Variants in CAAP1 observed in about 807,000 individuals in gnomAD.
CAAP1 encodes conserved anti-apoptotic protein.
CAAP1 carries 20 observed loss-of-function variants against 34.0 expected under a neutral mutation model. The observed-to-expected ratio is 0.59, with a 90% CI of 0.41 to 0.86. CAAP1 has a LOEUF of 0.86. Among genes scored for constraint, CAAP1 ranks in the 40% least tolerant of loss-of-function variants. The pLI is 0.00. For synonymous variants in CAAP1, 213 were observed against 166.7 expected, an observed-to-expected ratio of 1.28 and a Z score of -2.14; for missense variants, 538 against 450.5, an observed-to-expected ratio of 1.19 and a Z score of -1.76.
At chr9:26,886,945 G>A (rs951867314) in intron 2 of CAAP1, among the ~76,000 whole-genome samples, 3 of 152,150 alleles carry the variant, frequency 2.0e-5, no homozygotes, top group African/African-American at 7.2e-5. Context: ...GCCAGGCACG[G>A]TGGCTCACAC....
intron 4 of CAAP1, among the ~76,000 whole-genome samples, chr9:26,862,680 T>C (rs1441949196): frequency 8.5e-5 from 13 of 152,150 alleles, no homozygotes; most frequent in Non-Finnish European, 2.9e-5. Flanking sequence ...GACAATTAAA[T>C]GTTATAACTG....
intron 4 of CAAP1, among the ~76,000 whole-genome samples, chr9:26,877,341 T>A (rs1236918499): frequency 6.6e-6 from 1 of 152,266 alleles, no homozygotes; most frequent in East Asian, 1.9e-4. Flanking sequence ...GCATTTCCAA[T>A]AAAGGATACT....
At chr9:26,871,069 T>C (rs752417619) in intron 4 of CAAP1, among the ~76,000 whole-genome samples, 1 of 152,234 alleles carries the variant, frequency 6.6e-6, no homozygotes, top group African/African-American at 2.4e-5. Flanking sequence ...GACTCTTTTA[T>C]TCCCAACAAG....
At position 26,892,458 on chromosome 9, in the gene CAAP1, C is replaced by T. The variant is rs750219927; in HGVS notation, c.258G>A (p.Lys86=). 2.9e-5 allele frequency: 46 copies of T among 1,577,946 alleles called. No individual in the cohort carries two copies. The highest frequency in any genetic ancestry group is 4.6e-5 in the South Asian group (4 of 87,228). ...GSSVERSERR[K]RRSTDSSSVS... The stretch of plus-strand genomic sequence containing the variant: ...CGCTGGAAGAGTCGGTACTCCTCCG[C>T]TTCCGGCGCTCGCTGCGCTCCACGC... Residue 86 remains lysine, a synonymous_variant, in exon 1 of 6, where the codon AAG becomes AAA. Coordinates refer to ENST00000333916, the MANE Select transcript of CAAP1 (RefSeq NM_024828.4).
chr9:26,872,388 A>G (rs749077697), intron 4 of CAAP1, among the ~76,000 whole-genome samples: 10 of 152,146 alleles, frequency 6.6e-5, no homozygotes, highest in Non-Finnish European at 1.5e-4. Context: ...TAACCAGTAC[A>G]CTTTCAGTAG....
At chr9:26,882,660 G>A (rs950704190) in intron 4 of CAAP1, among the ~76,000 whole-genome samples, 1 of 152,170 alleles carries the variant, frequency 6.6e-6, no homozygotes, top group African/African-American at 2.4e-5. Flanking sequence ...TGTGAGAAGA[G>A]GGCCACCGTC....
intron 5 of CAAP1, among the ~76,000 whole-genome samples, chr9:26,857,826 C>A (rs995349703): frequency 6.6e-6 from 1 of 152,002 alleles, no homozygotes; most frequent in Middle Eastern, 3.4e-3. Flanking sequence ...TCAGTACTGC[C>A]GGTTTCAAAA....
intron 4 of CAAP1, among the ~76,000 whole-genome samples, chr9:26,880,744 T>C (rs2131334940): frequency 6.6e-6 from 1 of 152,276 alleles, no homozygotes; most frequent in African/African-American, 2.4e-5. Flanking sequence ...TGTGGGATTT[T>C]GGCTCACTGC....
chr9:26,851,993 T>G (rs1282688877), intron 5 of CAAP1, among the ~76,000 whole-genome samples: 1 of 152,154 alleles, frequency 6.6e-6, no homozygotes, highest in Non-Finnish European at 1.5e-5. Context: ...AAATATAAGC[T>G]CAGAAAGAGA....
chr9:26,858,822 CAA>C (rs756404393), intron 5 of CAAP1, among the ~76,000 whole-genome samples: 15 of 87,194 alleles, frequency 1.7e-4, no homozygotes, highest in Admixed American at 2.5e-4. Context: ...GGCTCCATCT[CAA>C]AAAAAAAAAA....
intron 4 of CAAP1, among the ~76,000 whole-genome samples, chr9:26,881,209 G>A (rs577179410): frequency 2.1e-4 from 32 of 152,278 alleles, no homozygotes; most frequent in African/African-American, 6.5e-4. Context: ...CCCAGCCTCA[G>A]GTGATCCTCT....
At position 26,856,167 on chromosome 9, in the gene CAAP1, CTG is replaced by C. The variant is rs1194606551; in HGVS notation, c.739+4897_739+4898del. On this transcript the variant is annotated intron_variant, in intron 5 of 5. Transcript: ENST00000333916. The stretch of plus-strand genomic sequence containing the variant: ...ATTTGAGCCTATTTAAAGCAAAACT[CTG>C]TGTGCATATTTTGTGCTTGCATGTC... Among the ~76,000 whole-genome samples the C allele has an allele frequency of 1.1e-4, 16 of 152,020 alleles. No homozygotes were observed. The East Asian group carries it at 3.1e-3, about 29-fold the overall frequency.
At chr9:26,886,217 C>T (rs1466751917) in intron 2 of CAAP1, 29 bp from the exon 3 acceptor site, 2 of 1,213,594 alleles carry the variant, frequency 1.6e-6, no homozygotes, top group South Asian at 2.1e-5. Context: ...TAAAAAAATG[C>T]ATTTATGTAA....
intron 5 of CAAP1, among the ~76,000 whole-genome samples, chr9:26,847,379 T>C (rs1822643192): frequency 6.6e-6 from 1 of 151,664 alleles, no homozygotes; most frequent in South Asian, 2.1e-4. Flanking sequence ...CACGCCCAGC[T>C]AATTTTTTGT....
chr9:26,843,370 C>G (rs1363542564), intron 5 of CAAP1, among the ~76,000 whole-genome samples: 1 of 152,154 alleles, frequency 6.6e-6, no homozygotes, highest in Non-Finnish European at 1.5e-5. Context: ...GCATTGAATA[C>G]TACTCAATTC....
At chr9:26,867,444 A>C (rs1304801469) in intron 4 of CAAP1, among the ~76,000 whole-genome samples, 1 of 151,964 alleles carries the variant, frequency 6.6e-6, no homozygotes, top group Non-Finnish European at 1.5e-5. Flanking sequence ...TTCCCAACTC[A>C]CCATCCCACC....
intron 4 of CAAP1, among the ~76,000 whole-genome samples, chr9:26,861,354 T>C (rs900863580): frequency 1.3e-5 from 2 of 152,164 alleles, no homozygotes; most frequent in African/African-American, 4.8e-5. Flanking sequence ...GCAGTATACT[T>C]CTTTGTAAAA....
rs1476934683 is a variant in CAAP1, at chr9:26,885,104, T to C, written c.590-219A>G. 2.1e-5 allele frequency among the ~76,000 whole-genome samples: 3 copies of C among 139,798 alleles called. No homozygotes were observed. The East Asian group carries it at 6.1e-4, about 29-fold the overall frequency. 91.7% of individuals were successfully genotyped at this position (139,798 alleles called of 152,430 possible). On this transcript the variant is annotated intron_variant, in intron 3 of 5. Transcript: ENST00000333916. ...TTTTTTTTTTTTTTTTTAGACGGAG[T>C]GTCACACTGTCACCCCGGCTGGTGT... is the stretch of plus-strand genomic sequence containing the variant.
chr9:26,842,220 A>AC lies in CAAP1; in HGVS notation c.*80dup, dbSNP rs1822497460. On this transcript the variant is annotated 3_prime_UTR_variant, in exon 6 of 6. Transcript: ENST00000333916. Reference sequence around the variant, plus strand: ...GGTTACATGAGAAATAACATATAAGACCCCAAATAAATTTTAGATACAAAA... The same window carrying AC: ...GGTTACATGAGAAATAACATATAAGACCCCCAAATAAATTTTAGATACAAAA... The AC allele has an allele frequency of 8.1e-6, 9 of 1,107,410 alleles. 1 individual carries two copies. The East Asian group carries it at 2.2e-4, about 28-fold the overall frequency. 68.6% of individuals were successfully genotyped at this position (1,107,410 alleles called of 1,614,324 possible). A position where few individuals can be genotyped will look rare whatever the true frequency, so the allele number is the denominator to read the frequency against.
Sources: allele counts gnomAD v4.1 joint callset (sites outside exome capture counted in the v4.1 genomes callset), GRCh38; gene constraint gnomAD v4.1.1; transcripts MANE v1.5; gene names NCBI Gene and HGNC (gene_info 2026-07-23, HGNC 2026-07-21).